The following ADAMTS6 variants were observed in gnomAD, a reference collection of about 807,000 sequenced individuals.
The protein encoded by ADAMTS6 is ADAM metallopeptidase with thrombospondin type 1 motif 6.
A neutral mutation model predicts 144.3 loss-of-function variants in ADAMTS6; 23 were observed. That is an observed-to-expected ratio of 0.16 (90% CI 0.11 to 0.23). The LOEUF (loss-of-function observed/expected upper bound fraction) is 0.23. ADAMTS6 is among the 10% of genes least tolerant of loss of function. The pLI is 1.00. For synonymous variants in ADAMTS6, 444 were observed against 457.5 expected (o/e 0.97, Z 0.38); for missense variants, 999 against 1,379.6 (o/e 0.72, Z 4.37).
chr5:65,159,252 T>C (rs1752608601), intron 24 of ADAMTS6, among the ~76,000 whole-genome samples: 1 of 152,174 alleles, frequency 6.6e-6, no homozygotes, highest in Non-Finnish European at 1.5e-5. Flanking sequence ...TCTTTCTCAT[T>C]CTACTCCCAC....
intron 20 of ADAMTS6, among the ~76,000 whole-genome samples, chr5:65,205,082 C>T (rs1235332969): frequency 6.6e-6 from 1 of 151,160 alleles, no homozygotes; most frequent in Non-Finnish European, 1.5e-5. Flanking sequence ...TTATGTCTTT[C>T]GCACTTAATT....
At chr5:65,281,895 A>T (rs1561372855) in intron 11 of ADAMTS6, among the ~76,000 whole-genome samples, 2 of 152,130 alleles carry the variant, frequency 1.3e-5, no homozygotes, top group Non-Finnish European at 1.5e-5. Context: ...ACCTTTTCTA[A>T]TGTTTTCATT....
At chr5:65,245,732 A>G (rs1759573322) in intron 14 of ADAMTS6, among the ~76,000 whole-genome samples, 1 of 151,950 alleles carries the variant, frequency 6.6e-6, no homozygotes, top group Non-Finnish European at 1.5e-5. Flanking sequence ...CACATAGTAA[A>G]TATTTTAGGC....
chr5:65,318,759 C>A (rs1239964803), intron 9 of ADAMTS6, among the ~76,000 whole-genome samples: 1 of 151,422 alleles, frequency 6.6e-6, no homozygotes, highest in Non-Finnish European at 1.5e-5. Context: ...GTGGGGGATG[C>A]GGGTAGGCTG....
chr5:65,471,023 T>C lies in ADAMTS6; in HGVS notation c.217A>G (p.Met73Val). The change falls in exon 3 of 25, where the codon ATG (methionine) becomes GTG (valine). Residue 73 changes from methionine to valine, a missense_variant. Physicochemically the swap from Met to Val is conservative, Grantham distance 21 (BLOSUM62 1). Transcript: ENST00000381055. ...GCCTGCTGTGGATCAATAGGGTCCA[T>C]ACTCCGTCTTCTCCTTGAGTGTTTA... ...NDKHSRRRRS[M>V]DPIDPQQAVS... The C allele has an allele frequency of 6.2e-7, 1 of 1,612,944 alleles. No individual in the cohort carries two copies. Among genetic ancestry groups the C allele is most frequent in the Middle Eastern group, 1.7e-4 (1 of 6,054 alleles).
In ADAMTS6 at chr5:65,187,662, A is replaced by T. The variant is rs139042698; in HGVS notation, c.2910+354T>A. On this transcript the variant is annotated intron_variant, in intron 22 of 24. Transcript: ENST00000381055. Reference sequence around the variant, plus strand: ...ACTTTTGGGGTAAGAAAGGTTCTTGACTCTCCTTTTGAACTTCAATTTTTA... The same window carrying T: ...ACTTTTGGGGTAAGAAAGGTTCTTGTCTCTCCTTTTGAACTTCAATTTTTA... Among the ~76,000 whole-genome samples the T allele has an allele frequency of 1.2e-4, 19 of 152,166 alleles. No homozygotes were observed. In the East Asian group the frequency reaches 3.7e-3, roughly 29 times the overall value.
intron 7 of ADAMTS6, among the ~76,000 whole-genome samples, chr5:65,420,623 C>T (rs925133629): frequency 5.9e-5 from 9 of 151,904 alleles, no homozygotes; most frequent in Non-Finnish European, 8.8e-5. Flanking sequence ...TCAGGTGATC[C>T]ATCTGCCTTG....
At chr5:65,273,574 G>A (rs891905369) in intron 11 of ADAMTS6, 127 bp from the exon 12 acceptor site, 25 of 662,358 alleles carry the variant, frequency 3.8e-5, no homozygotes, top group Middle Eastern at 2.8e-4. Context: ...CTGAAGCATC[G>A]CAGTTGAGGA....
At chr5:65,324,413 A>G (rs532065343) in intron 9 of ADAMTS6, among the ~76,000 whole-genome samples, 92 of 152,238 alleles carry the variant, frequency 6.0e-4, no homozygotes, top group Non-Finnish European at 2.6e-4. Context: ...CACAGAAGAA[A>G]AATTTTAAGT....
intron 14 of ADAMTS6, among the ~76,000 whole-genome samples, chr5:65,258,625 A>G (rs1266402546): frequency 2.6e-5 from 4 of 152,222 alleles, no homozygotes; most frequent in African/African-American, 7.2e-5. Flanking sequence ...AGACCAGAGC[A>G]GCAGTAGTGA....
intron 7 of ADAMTS6, among the ~76,000 whole-genome samples, chr5:65,404,518 G>A (rs1475112434): frequency 2.6e-5 from 4 of 152,114 alleles, no homozygotes. Context: ...GTGTGTATGT[G>A]CCACATTTTC....
intron 9 of ADAMTS6, among the ~76,000 whole-genome samples, chr5:65,312,336 A>G (rs1003258906): frequency 5.3e-5 from 8 of 152,068 alleles, no homozygotes; most frequent in African/African-American, 1.9e-4. Flanking sequence ...TTTCCATTAG[A>G]GAACTGTTCT....
Position 65,473,692 on chromosome 5 carries a change from AT to A in ADAMTS6, c.-20del, listed in dbSNP as rs770308569. The A allele has an allele frequency of 1.1e-5, 18 of 1,598,404 alleles. No individual in the cohort carries two copies. The highest frequency in any genetic ancestry group is 9.9e-5 in the South Asian group (9 of 90,746). On this transcript the variant is annotated 5_prime_UTR_variant, in exon 2 of 25. Coordinates refer to ENST00000381055, the MANE Select transcript of ADAMTS6 (RefSeq NM_197941.4). ...TTTCCATAATTTAGAAAACTGGATG[AT>A]TTTTTTGAGGGCTACCTATGTGCTA...
chr5:65,360,431 A>T (rs1749721776), intron 7 of ADAMTS6, among the ~76,000 whole-genome samples: 1 of 152,188 alleles, frequency 6.6e-6, no homozygotes, highest in Non-Finnish European at 1.5e-5. Context: ...TCAGTATGTG[A>T]GGTAAAGCAT....
At chr5:65,428,958 A>G (rs1272697297) in intron 7 of ADAMTS6, among the ~76,000 whole-genome samples, 1 of 152,214 alleles carries the variant, frequency 6.6e-6, no homozygotes, top group Non-Finnish European at 1.5e-5. Flanking sequence ...GGTTCAGGAC[A>G]TGCTATCCCA....
In ADAMTS6 at chr5:65,433,949, C is replaced by A. The variant is rs530398413; in HGVS notation, c.1073+17526G>T. Among the ~76,000 whole-genome samples the A allele has an allele frequency of 4.6e-5, 7 of 152,266 alleles. No individual in the cohort carries two copies. In the East Asian group the frequency reaches 1.4e-3, roughly 29 times the overall value. On this transcript the variant is annotated intron_variant, in intron 7 of 24. Coordinates refer to ENST00000381055, the MANE Select transcript of ADAMTS6 (RefSeq NM_197941.4). ...GAAAACACACATCCACACAAAAACT[C>A]CCACATGAATGTCCACCATAGCATT...
chr5:65,480,227 G>A (rs1467079081), intron 1 of ADAMTS6, among the ~76,000 whole-genome samples: 1 of 152,136 alleles, frequency 6.6e-6, no homozygotes, highest in East Asian at 1.9e-4. Flanking sequence ...AAAAGAACAT[G>A]TTGAAAATCA....
At chr5:65,370,423 A>G (rs4700678) in intron 7 of ADAMTS6, among the ~76,000 whole-genome samples, 86,801 of 151,684 alleles carry the variant, frequency 0.57, 26,250 homozygotes, top group African/African-American at 0.78. Flanking sequence ...TGCGCGCACC[A>G]TGCGTGAGCC....
intron 7 of ADAMTS6, among the ~76,000 whole-genome samples, chr5:65,401,630 T>C (rs1753922441): frequency 6.6e-6 from 1 of 152,180 alleles, no homozygotes; most frequent in African/African-American, 2.4e-5. Flanking sequence ...CAATTACAGG[T>C]CAGGTTTTCC....
Sources: allele counts gnomAD v4.1 joint callset (sites outside exome capture counted in the v4.1 genomes callset), GRCh38; gene constraint gnomAD v4.1.1; transcripts MANE v1.5; gene names NCBI Gene and HGNC (gene_info 2026-07-23, HGNC 2026-07-21).